Variants in EIF3H observed in about 807,000 individuals in gnomAD.
EIF3H encodes the protein eukaryotic translation initiation factor 3 subunit H, also known as eIF-3-gamma.
EIF3H carries 26 observed loss-of-function variants against 44.2 expected under a neutral mutation model. The observed-to-expected ratio is 0.59, with a 90% CI of 0.43 to 0.82. The LOEUF (loss-of-function observed/expected upper bound fraction) is 0.82. Ranked by LOEUF, EIF3H falls within the 40% of genes least tolerant of loss-of-function variation. EIF3H has a pLI of 0.00. For synonymous variants in EIF3H, 166 were observed against 151.9 expected (o/e 1.09, Z -0.68); for missense variants, 359 against 432.8 (o/e 0.83, Z 1.51).
At chr8:116,718,300 A>T (rs1814687712) in intron 2 of EIF3H, among the ~76,000 whole-genome samples, 1 of 152,170 alleles carries the variant, frequency 6.6e-6, no homozygotes, top group Admixed American at 6.5e-5. Context: ...TATGGAAAAC[A>T]GTGTGTGGTG....
At chr8:116,747,391 T>C (rs1043541337) in intron 1 of EIF3H, among the ~76,000 whole-genome samples, 1 of 152,164 alleles carries the variant, frequency 6.6e-6, no homozygotes, top group African/African-American at 2.4e-5. Flanking sequence ...TACTATGCCA[T>C]CAAAACATGG....
At chr8:116,740,165 T>C (rs1434834472) in intron 1 of EIF3H, among the ~76,000 whole-genome samples, 1 of 152,236 alleles carries the variant, frequency 6.6e-6, no homozygotes, top group Non-Finnish European at 1.5e-5. Flanking sequence ...ATCAGTAACA[T>C]TAAGCACGTA....
chr8:116,721,589 C>A lies in EIF3H; in HGVS notation c.289+4427G>T, dbSNP rs549513128. ...AAAAGCCGCAGACACTCAATGCCAG[C>A]CCATGAAAGCAGCCAGGAGGGAGGT... On this transcript the variant is annotated intron_variant, in intron 2 of 7. Coordinates refer to ENST00000521861, the MANE Select transcript of EIF3H (RefSeq NM_003756.3). 1.0e-3 allele frequency among the ~76,000 whole-genome samples: 153 copies of A among 152,332 alleles called. 1 individual carries two copies. Among genetic ancestry groups the A allele is most frequent in the African/African-American group, 3.1e-3 (130 of 41,586 alleles).
intron 1 of EIF3H, among the ~76,000 whole-genome samples, chr8:116,743,813 C>A (rs1328647837): frequency 3.9e-4 from 46 of 117,508 alleles, no homozygotes; most frequent in African/African-American, 1.6e-3. Context: ...CACACACACA[C>A]ACACACACAC....
intron 1 of EIF3H, among the ~76,000 whole-genome samples, chr8:116,726,467 T>C (rs886766562): frequency 1.3e-5 from 2 of 152,192 alleles, no homozygotes; most frequent in Admixed American, 6.5e-5. Flanking sequence ...CAGGAGTTCC[T>C]TCAGCCAAAT....
rs570079942 is a variant in EIF3H, at chr8:116,755,611, C to A, written c.132+55G>T. The A allele has an allele frequency of 5.0e-6, 8 of 1,606,978 alleles. No individual in the cohort carries two copies. In the South Asian group the frequency reaches 7.7e-5, roughly 16 times the overall value. ...ATGCTAGAAAGTACGTCTGGTGGGACGGGGCTGGGAACTGCGCTCCCCACG... is the reference window on the plus strand; with the variant it reads ...ATGCTAGAAAGTACGTCTGGTGGGAAGGGGCTGGGAACTGCGCTCCCCACG... On this transcript the variant is annotated intron_variant, in intron 1 of 7. Coordinates refer to ENST00000521861, the MANE Select transcript of EIF3H (RefSeq NM_003756.3).
At chr8:116,739,097 G>T (rs772344496) in intron 1 of EIF3H, among the ~76,000 whole-genome samples, 1 of 152,208 alleles carries the variant, frequency 6.6e-6, no homozygotes, top group South Asian at 2.1e-4. Flanking sequence ...ACTGGAATAA[G>T]AGCAAGGAAC....
upstream of EIF3H, among the ~76,000 whole-genome samples, chr8:116,759,272 G>A (rs889455005): frequency 4.6e-5 from 7 of 152,218 alleles, no homozygotes; most frequent in Non-Finnish European, 8.8e-5. Flanking sequence ...CAAAAAGAGA[G>A]AGGCTGATGA....
chr8:116,688,096 T>C (rs768118336), intron 2 of EIF3H, among the ~76,000 whole-genome samples: 1 of 152,082 alleles, frequency 6.6e-6, no homozygotes, highest in African/African-American at 2.4e-5. Flanking sequence ...TTGGGGAAAA[T>C]TGTAGAAACA....
chr8:116,655,220 C>T (rs1384075231), intron 5 of EIF3H, among the ~76,000 whole-genome samples: 1 of 151,210 alleles, frequency 6.6e-6, no homozygotes, highest in African/African-American at 2.4e-5. Context: ...ACAAAGGGAA[C>T]AATACTTCCT....
chr8:116,742,782 T>A (rs929378630), intron 1 of EIF3H, among the ~76,000 whole-genome samples: 7 of 152,194 alleles, frequency 4.6e-5, no homozygotes, highest in Admixed American at 1.3e-4. Context: ...GGGAAGAGGG[T>A]GCTTGGAAGA....
intron 5 of EIF3H, among the ~76,000 whole-genome samples, chr8:116,649,808 G>C (rs1457102037): frequency 6.6e-6 from 1 of 152,158 alleles, no homozygotes; most frequent in East Asian, 1.9e-4. Context: ...AAGAGAAGGG[G>C]GAGGTGAAGA....
At position 116,644,146 on chromosome 8, in the gene EIF3H, T is replaced by C. The variant is rs1813262864; in HGVS notation, c.*860A>G. On this transcript the variant is annotated 3_prime_UTR_variant, in exon 8 of 8. Coordinates refer to ENST00000521861, the MANE Select transcript of EIF3H (RefSeq NM_003756.3). ...GGCTCATGCCTGTATTCCCAGCACTTTGGGAGACAGAAGCAGGTGAATCAC... is the reference window on the plus strand; with the variant it reads ...GGCTCATGCCTGTATTCCCAGCACTCTGGGAGACAGAAGCAGGTGAATCAC... The C allele has an allele frequency of 6.6e-6, 1 of 152,204 alleles. No individual in the cohort carries two copies. The highest frequency in any genetic ancestry group is 2.1e-4 in the South Asian group (1 of 4,832). The allele number at this position is 152,204 out of a possible 1,614,324, so 9.4% of individuals were successfully genotyped here.
chr8:116,674,812 G>C (rs1325982105), intron 2 of EIF3H, among the ~76,000 whole-genome samples: 1 of 152,104 alleles, frequency 6.6e-6, no homozygotes, highest in Non-Finnish European at 1.5e-5. Context: ...GAGGGAAAGA[G>C]AGCTGGCAAT....
intron 1 of EIF3H, among the ~76,000 whole-genome samples, chr8:116,747,276 G>C (rs141041143): frequency 0.017 from 2,559 of 152,268 alleles, 65 homozygotes; most frequent in African/African-American, 0.058. Flanking sequence ...ATGTTGGCCA[G>C]GTTGGTCTCG....
chr8:116,728,296 C>T (rs1398440601), intron 1 of EIF3H, among the ~76,000 whole-genome samples: 2 of 151,774 alleles, frequency 1.3e-5, no homozygotes, highest in East Asian at 3.9e-4. Context: ...TGTTAATACT[C>T]ATTTTATAGA....
intron 2 of EIF3H, among the ~76,000 whole-genome samples, chr8:116,665,993 C>G (rs960492038): frequency 6.6e-6 from 1 of 152,160 alleles, no homozygotes; most frequent in African/African-American, 2.4e-5. Context: ...ACATATTCCT[C>G]TCGTTTCAAT....
chr8:116,694,745 G>T (rs931060293), intron 2 of EIF3H, among the ~76,000 whole-genome samples: 2 of 151,970 alleles, frequency 1.3e-5, no homozygotes, highest in Admixed American at 6.6e-5. Context: ...AATTATTTTT[G>T]AAAAGATCTA....
chr8:116,752,719 A>AGAAAGAAAGAAGG (rs1815367142), intron 1 of EIF3H, among the ~76,000 whole-genome samples: 1 of 121,848 alleles, frequency 8.2e-6, no homozygotes, highest in Admixed American at 8.2e-5. Context: ...AAAGAAAGAA[A>AGAAAGAAAGAAGG]GAAAGAAAGA....
Sources: gnomAD v4.1 joint callset for allele counts (sites outside exome capture counted in the v4.1 genomes callset) on GRCh38, gnomAD v4.1.1 for gene constraint, MANE v1.5 for transcripts, NCBI Gene and HGNC (gene_info 2026-07-23, HGNC 2026-07-21) for gene names.